The following EYS variants were observed in gnomAD, a reference collection of about 807,000 sequenced individuals.
EYS encodes the protein EGF-like photoreceptor maintenance factor.
EYS carries 250 observed loss-of-function variants against 282.1 expected under a neutral mutation model. The observed-to-expected ratio is 0.89, with a 90% CI of 0.80 to 0.98. The LOEUF is 0.98. Among genes scored for constraint, EYS ranks in the 50% least tolerant of loss-of-function variants. EYS has a pLI of 0.00. For synonymous variants in EYS, 1,355 were observed against 1,282.9 expected (o/e 1.06, Z -1.20); for missense variants, 4,016 against 3,709.0 (o/e 1.08, Z -2.15).
chr6:63,929,540 G>C (rs924760464), intron 35 of EYS, among the ~76,000 whole-genome samples: 1 of 152,132 alleles, frequency 6.6e-6, no homozygotes, highest in Non-Finnish European at 1.5e-5. Context: ...AGTAAATTTG[G>C]AATTATTTTA....
intron 12 of EYS, among the ~76,000 whole-genome samples, chr6:65,108,787 C>G (rs1363275537): frequency 6.6e-6 from 1 of 152,076 alleles, no homozygotes; most frequent in Non-Finnish European, 1.5e-5. Flanking sequence ...TTTTTCTGCC[C>G]TATGCTTTCT....
chr6:65,414,831 T>C lies in EYS; in HGVS notation c.863-9464A>G, dbSNP rs77407066. Among the ~76,000 whole-genome samples the C allele has an allele frequency of 2.7e-3, 408 of 152,138 alleles. 4 individuals are homozygous for C. The highest frequency in any genetic ancestry group is 9.5e-3 in the African/African-American group (393 of 41,532). On this transcript the variant is annotated intron_variant, in intron 5 of 42. Coordinates refer to ENST00000503581, the MANE Select transcript of EYS (RefSeq NM_001142800.2). ...TAGTATTTAAAGCCAAGAGAACAGG[T>C]ATGATCCTTTAGGGAAAAAATGGAG...
intron 11 of EYS, among the ~76,000 whole-genome samples, chr6:65,325,082 G>A (rs565591514): frequency 1.8e-4 from 27 of 152,276 alleles, no homozygotes; most frequent in Admixed American, 1.2e-3. Context: ...AGCTGGCCCT[G>A]GTAACAAGGT....
chr6:64,723,082 CTAA>C (rs1771636357), intron 22 of EYS, among the ~76,000 whole-genome samples: 1 of 34,742 alleles, frequency 2.9e-5, no homozygotes, highest in Non-Finnish European at 6.6e-5. Context: ...AAGAAAGGCC[CTAA>C]GGAAAAAAAA....
chr6:64,172,559 A>G (rs1316849219), intron 31 of EYS, among the ~76,000 whole-genome samples: 1 of 152,192 alleles, frequency 6.6e-6, no homozygotes, highest in Non-Finnish European at 1.5e-5. Context: ...ATGACCCATC[A>G]GTCTCACTTC....
chr6:65,395,795 T>C (rs1468980050), intron 7 of EYS, among the ~76,000 whole-genome samples: 3 of 152,150 alleles, frequency 2.0e-5, no homozygotes, highest in Non-Finnish European at 4.4e-5. Flanking sequence ...TTGGAAACAT[T>C]TCAAGTTCTC....
intron 40 of EYS, among the ~76,000 whole-genome samples, chr6:63,770,932 T>G (rs1274308900): frequency 6.6e-6 from 1 of 152,170 alleles, no homozygotes; most frequent in African/African-American, 2.4e-5. Flanking sequence ...TGGCCTTCCT[T>G]TCTTTGCTGG....
chr6:64,454,450 T>G (rs1775486743), intron 26 of EYS, among the ~76,000 whole-genome samples: 1 of 152,174 alleles, frequency 6.6e-6, no homozygotes. Context: ...GAAATTAATG[T>G]GAATTCCATT....
intron 35 of EYS, among the ~76,000 whole-genome samples, chr6:63,930,549 A>G (rs936205402): frequency 6.6e-6 from 1 of 152,152 alleles, no homozygotes; most frequent in Non-Finnish European, 1.5e-5. Flanking sequence ...AAATAGATTG[A>G]TTTTCAAATC....
In EYS at chr6:63,824,672, C is replaced by A. The variant is rs993076675; in HGVS notation, c.7229-18300G>T. On this transcript the variant is annotated intron_variant, in intron 36 of 42. Coordinates refer to ENST00000503581, the MANE Select transcript of EYS (RefSeq NM_001142800.2). The stretch of plus-strand genomic sequence containing the variant: ...CAGGTCCGTTTGCAGGAGAAGTTGC[C>A]GAGTTTACCTGGAGCCAAGTCAAGT... Among the ~76,000 whole-genome samples, 6 of 152,012 alleles carry A rather than the reference C, an allele frequency of 3.9e-5. No homozygotes were observed. The South Asian group carries it at 6.2e-4, about 16-fold the overall frequency.
intron 1 of EYS, among the ~76,000 whole-genome samples, chr6:65,697,483 T>C (rs28492058): frequency 0.051 from 7,737 of 152,142 alleles, 453 homozygotes; most frequent in East Asian, 0.33. Flanking sequence ...GTCAATTTGA[T>C]TTTCTAATCT....
chr6:64,574,839 CA>C (rs1378110272), intron 26 of EYS, among the ~76,000 whole-genome samples: 1 of 152,074 alleles, frequency 6.6e-6, no homozygotes, highest in African/African-American at 2.4e-5. Flanking sequence ...CAAGTATACA[CA>C]ATGATACTTA....
intron 11 of EYS, among the ~76,000 whole-genome samples, chr6:65,313,661 A>G (rs1582131470): frequency 6.6e-6 from 1 of 152,066 alleles, no homozygotes; most frequent in Non-Finnish European, 1.5e-5. Flanking sequence ...TACCTTCAGA[A>G]TATATCCAGA....
chr6:63,916,694 G>A (rs1023014068), intron 35 of EYS, among the ~76,000 whole-genome samples: 1 of 151,940 alleles, frequency 6.6e-6, no homozygotes, highest in Non-Finnish European at 1.5e-5. Context: ...TTTCTTGATG[G>A]CATCCTTGAA....
At chr6:64,786,183 TCTAC>T (rs773109649) in intron 22 of EYS, among the ~76,000 whole-genome samples, 3 of 144,826 alleles carry the variant, frequency 2.1e-5, no homozygotes, top group East Asian at 2.1e-4. Context: ...CTTTACTGGT[TCTAC>T]ATTTTTTTTT....
At position 63,786,452 on chromosome 6, in the gene EYS, C is replaced by G. The variant is rs1217650434; in HGVS notation, c.7723+1653G>C. Among the ~76,000 whole-genome samples the G allele has an allele frequency of 5.9e-5, 9 of 151,454 alleles. No individual in the cohort carries two copies. In the South Asian group the frequency reaches 6.3e-4, roughly 11 times the overall value. On this transcript the variant is annotated intron_variant, in intron 39 of 42. Transcript: ENST00000503581. ...CCCAGGAACAGAAAATGAAACACCT[C>G]ATGTTCTCACTCATAAGTGGGAGTT...
chr6:64,947,224 T>C (rs2150096965), intron 14 of EYS, among the ~76,000 whole-genome samples: 1 of 152,010 alleles, frequency 6.6e-6, no homozygotes, highest in East Asian at 1.9e-4. Context: ...CAAAACAAAA[T>C]TCAAAATGAT....
chr6:64,195,663 GTTTC>G (rs1240856467), intron 31 of EYS, among the ~76,000 whole-genome samples: 2 of 152,090 alleles, frequency 1.3e-5, no homozygotes, highest in African/African-American at 2.4e-5. Flanking sequence ...TTACTATAAT[GTTTC>G]TTTATGTGTA....
chr6:64,919,646 A>C (rs537537998), intron 15 of EYS, among the ~76,000 whole-genome samples: 1 of 152,116 alleles, frequency 6.6e-6, no homozygotes, highest in Non-Finnish European at 1.5e-5. Flanking sequence ...TTTTTCATAC[A>C]TTTTGATGTA....
Sources: gnomAD v4.1 joint callset for allele counts (sites outside exome capture counted in the v4.1 genomes callset) on GRCh38, gnomAD v4.1.1 for gene constraint, MANE v1.5 for transcripts, NCBI Gene and HGNC (gene_info 2026-07-23, HGNC 2026-07-21) for gene names.